Variants in GRIK1 observed in about 807,000 individuals in gnomAD.
GRIK1 encodes glutamate receptor ionotropic, kainate 1.
GRIK1 carries 69 observed loss-of-function variants against 105.7 expected under a neutral mutation model. The observed-to-expected ratio is 0.65, with a 90% confidence interval of 0.54 to 0.80. GRIK1 has a LOEUF of 0.80. Among genes scored for constraint, GRIK1 ranks in the 30% least tolerant of loss-of-function variants. The pLI, the probability that GRIK1 is intolerant of heterozygous loss-of-function variation, is 0.00. For missense variants in GRIK1, 1,109 were observed against 1,167.3 expected, an observed-to-expected ratio of 0.95 and a Z score of 0.73; for synonymous variants, 438 against 431.3, an observed-to-expected ratio of 1.02 and a Z score of -0.19.
At chr21:29,551,174 A>G (rs953992174) in intron 16 of GRIK1, among the ~76,000 whole-genome samples, 4 of 152,356 alleles carry the variant, frequency 2.6e-5, no homozygotes, top group Middle Eastern at 3.4e-3. Flanking sequence ...AAAATTCTCA[A>G]TGCGCAAAAA....
At chr21:29,937,941 T>C (rs1349149276) in intron 1 of GRIK1, among the ~76,000 whole-genome samples, 2 of 152,178 alleles carry the variant, frequency 1.3e-5, no homozygotes, top group African/African-American at 4.8e-5. Flanking sequence ...ACTTTGAAAC[T>C]ATTTTAGAAA....
At chr21:29,654,780 G>A (rs2146572906) in intron 5 of GRIK1, 30 bp downstream of exon 5, 3 of 1,280,768 alleles carry the variant, frequency 2.3e-6, no homozygotes, top group Middle Eastern at 1.8e-4. Context: ...TTCCTACCAT[G>A]TGGAATACAT....
In GRIK1 at chr21:29,651,234, A is replaced by G. The variant is rs750909442; in HGVS notation, c.838T>C (p.Phe280Leu). Residue 280 changes from phenylalanine (F) to leucine (L), a missense_variant, in exon 6 of 18, where the codon TTT becomes CTT. Phe to Leu is a conservative substitution (Grantham distance 22). Around this residue, in one of 5 missense-constraint regions of GRIK1, gnomAD observed 612 missense variants for 586.0 expected, o/e 1.04. Coordinates refer to ENST00000327783, the MANE Select transcript of GRIK1 (RefSeq NM_001330994.2). ...YRYSGVNMTG[F>L]RLLNIDNPHV... ...GGGTTGTCAATGTTAAGCAGCCGAA[A>G]CCCGGTCATGTTTACGCCACTGTAC... is the stretch of plus-strand genomic sequence containing the variant. The G allele has an allele frequency of 1.2e-5, 19 of 1,613,726 alleles. No individual in the cohort carries two copies. The Admixed American group carries it at 2.0e-4, about 17-fold the overall frequency.
At chr21:29,893,789 A>G (rs1257262101) in intron 1 of GRIK1, among the ~76,000 whole-genome samples, 1 of 152,190 alleles carries the variant, frequency 6.6e-6, no homozygotes, top group African/African-American at 2.4e-5. Flanking sequence ...TCAGTGTGAT[A>G]AGTACTAGCA....
At position 29,860,392 on chromosome 21, in the gene GRIK1, G is replaced by T. The variant is rs79369523; in HGVS notation, c.118+78991C>A. ...AGGAAGAATGCCCACCTGCAGGGAG[G>T]AAGTAGAGTCCAGAAGACAGAAATT... On this transcript the variant is annotated intron_variant, in intron 1 of 17. Transcript: ENST00000327783. 2.9e-3 allele frequency among the ~76,000 whole-genome samples: 446 copies of T among 152,346 alleles called. 4 individuals are homozygous for T. The highest frequency in any genetic ancestry group is 0.01 in the African/African-American group (436 of 41,576).
intron 4 of GRIK1, among the ~76,000 whole-genome samples, chr21:29,659,391 C>T (rs1244350395): frequency 6.6e-6 from 1 of 152,106 alleles, no homozygotes; most frequent in Admixed American, 6.5e-5. Context: ...TTAGTTAATT[C>T]TAATCTACAT....
intron 1 of GRIK1, among the ~76,000 whole-genome samples, chr21:29,844,808 G>C (rs1275089076): frequency 2.0e-5 from 3 of 152,064 alleles, no homozygotes; most frequent in African/African-American, 7.2e-5. Context: ...ATAGTTGATT[G>C]ATCTTGGCTC....
At chr21:29,641,842 G>A (rs1601349182) in intron 7 of GRIK1, among the ~76,000 whole-genome samples, 1 of 152,168 alleles carries the variant, frequency 6.6e-6, no homozygotes, top group Non-Finnish European at 1.5e-5. Flanking sequence ...GACTGAGAGA[G>A]GGTGTGCAGG....
At chr21:29,901,700 G>A (rs565413698) in intron 1 of GRIK1, among the ~76,000 whole-genome samples, 11 of 152,186 alleles carry the variant, frequency 7.2e-5, no homozygotes, top group South Asian at 2.1e-4. Flanking sequence ...ATTCACAGCC[G>A]AATTCTACCA....
intron 1 of GRIK1, among the ~76,000 whole-genome samples, chr21:29,749,404 G>C (rs1207850850): frequency 6.6e-6 from 1 of 152,190 alleles, no homozygotes; most frequent in East Asian, 1.9e-4. Context: ...TAGTGGACGT[G>C]TCTAATAGCC....
intron 14 of GRIK1, among the ~76,000 whole-genome samples, chr21:29,572,127 C>G (rs1037932638): frequency 6.6e-6 from 1 of 152,148 alleles, no homozygotes; most frequent in Non-Finnish European, 1.5e-5. Flanking sequence ...CCTGCTGTCA[C>G]TCAGTGATTT....
intron 1 of GRIK1, among the ~76,000 whole-genome samples, chr21:29,783,698 C>G (rs946422418): frequency 6.6e-6 from 1 of 152,020 alleles, no homozygotes; most frequent in Admixed American, 6.6e-5. Flanking sequence ...CTGCATTTAT[C>G]TTATACTATA....
intron 6 of GRIK1, among the ~76,000 whole-genome samples, chr21:29,643,660 A>G (rs150999347): frequency 2.4e-3 from 372 of 152,316 alleles, no homozygotes; most frequent in African/African-American, 8.5e-3. Flanking sequence ...TCCCTTCCTC[A>G]TGAAATTCCT....
intron 3 of GRIK1, among the ~76,000 whole-genome samples, chr21:29,683,551 C>T (rs115056096): frequency 0.012 from 1,755 of 152,264 alleles, 34 homozygotes; most frequent in African/African-American, 0.039. Context: ...CATGATCTTA[C>T]TTATAAGTGA....
At chr21:29,901,238 C>G (rs1440932137) in intron 1 of GRIK1, among the ~76,000 whole-genome samples, 1 of 152,040 alleles carries the variant, frequency 6.6e-6, no homozygotes, top group Non-Finnish European at 1.5e-5. Context: ...AATTAAAAAA[C>G]TAGAGAAGCA....
intron 1 of GRIK1, among the ~76,000 whole-genome samples, chr21:29,850,350 A>T (rs1003797540): frequency 2.0e-5 from 3 of 152,168 alleles, no homozygotes. Context: ...AAGGGTATTT[A>T]AAAAATCTCT....
At chr21:29,587,666 A>G (rs891467628) in intron 11 of GRIK1, 77 bp from the exon 12 acceptor site, 2 of 752,694 alleles carry the variant, frequency 2.7e-6, no homozygotes, top group East Asian at 2.6e-5. Context: ...GGTACTCCTG[A>G]TTCTTATTCT....
At position 29,717,377 on chromosome 21, in the gene GRIK1, C is replaced by T. The variant is rs545017547; in HGVS notation, c.119-23314G>A. 4.6e-3 allele frequency among the ~76,000 whole-genome samples: 703 copies of T among 152,332 alleles called. 4 individuals carry two copies. Among genetic ancestry groups the T allele is most frequent in the Non-Finnish European group, 5.6e-3 (383 of 68,030 alleles). On this transcript the variant is annotated intron_variant, in intron 1 of 17. Coordinates refer to ENST00000327783, the MANE Select transcript of GRIK1 (RefSeq NM_001330994.2). Reference sequence around the variant, plus strand: ...GCTTGCACCATGTGCCTGGAAAAGGCACAGGCATTCAACACCAGCCATGAA... The same window carrying T: ...GCTTGCACCATGTGCCTGGAAAAGGTACAGGCATTCAACACCAGCCATGAA...
chr21:29,802,217 A>G lies in GRIK1; in HGVS notation c.119-108154T>C, dbSNP rs181796876. ...AGTCAGAGCTCTCAGTTTTTCTTAC[A>G]TCTAAATGTCAAGCCCTGCTATTAA... On this transcript the variant is annotated intron_variant, in intron 1 of 17. Coordinates refer to ENST00000327783, the MANE Select transcript of GRIK1 (RefSeq NM_001330994.2). 3.8e-3 allele frequency among the ~76,000 whole-genome samples: 572 copies of G among 152,284 alleles called. 1 individual carries two copies. The highest frequency in any genetic ancestry group is 0.024 in the Middle Eastern group (7 of 294).
Sources: allele counts gnomAD v4.1 joint callset (sites outside exome capture counted in the v4.1 genomes callset), GRCh38; gene constraint gnomAD v4.1.1; regional missense constraint gnomAD v4.1.1; transcripts MANE v1.5; gene names NCBI Gene and HGNC (gene_info 2026-07-23, HGNC 2026-07-21).